TGFBRAP1: variants seen among roughly 807,000 people sequenced by gnomAD.
TGFBRAP1 encodes the protein transforming growth factor beta receptor associated protein 1.
A neutral mutation model predicts 83.2 loss-of-function variants in TGFBRAP1; 20 were observed. The observed-to-expected ratio is 0.24, with a 90% CI of 0.17 to 0.35. The LOEUF (loss-of-function observed/expected upper bound fraction) is 0.35, where lower values mean the gene tolerates loss of function less well. Among genes scored for constraint, TGFBRAP1 ranks in the 10% least tolerant of loss-of-function variants. The probability of loss-of-function intolerance (pLI) is 1.00; values close to 1 mark genes in which losing one functional copy is unlikely to be tolerated. For missense variants in TGFBRAP1, 950 were observed against 1,099.4 expected, an observed-to-expected ratio of 0.86 and a Z score of 1.92; for synonymous variants, 415 against 459.8, an observed-to-expected ratio of 0.90 and a Z score of 1.25.
At chr2:105,278,025 C>T (rs1348662667) in intron 6 of TGFBRAP1, among the ~76,000 whole-genome samples, 4 of 152,100 alleles carry the variant, frequency 2.6e-5, no homozygotes, top group African/African-American at 9.7e-5. Context: ...TGCCACTGCA[C>T]TCCAGCCCGG....
chr2:105,292,920 C>A (rs1677959470), intron 4 of TGFBRAP1, among the ~76,000 whole-genome samples: 1 of 151,874 alleles, frequency 6.6e-6, no homozygotes, highest in South Asian at 2.1e-4. Context: ...GGTGGCAGAA[C>A]CACACAGAGG....
chr2:105,257,471 C>T, the TGFBRAP1 span, among the ~76,000 whole-genome samples: 2 of 152,166 alleles, frequency 1.3e-5, no homozygotes, highest in East Asian at 1.9e-4. Flanking sequence ...TCTGTATGAA[C>T]CTGACTATTC....
intron 10 of TGFBRAP1, among the ~76,000 whole-genome samples, chr2:105,270,271 T>C (rs1677108119): frequency 6.6e-6 from 1 of 152,186 alleles, no homozygotes; most frequent in South Asian, 2.1e-4. Flanking sequence ...TTTTTTTGTT[T>C]GTTTCACCTG....
In TGFBRAP1 at chr2:105,275,617, G is replaced by C. The variant is rs1177194613; in HGVS notation, c.1608C>G (p.Cys536Trp). The C allele has an allele frequency of 6.2e-7, 1 of 1,614,142 alleles. No homozygotes were observed. Among genetic ancestry groups the C allele is most frequent in the Non-Finnish European group, 8.5e-7 (1 of 1,180,044 alleles). ...YEYIVDFLTY[C>W]LDEELVWAYA... ...AGGCCCACACTAGTTCCTCGTCTAA[G>C]CAGTAGGTAAGAAAATCCACGATGT... Residue 536 changes from cysteine (C) to tryptophan (W), a missense_variant, in exon 8 of 12, where the codon TGC becomes TGG. By Grantham distance (215) the Cys-to-Trp change is radical. Coordinates refer to ENST00000393359, the MANE Select transcript of TGFBRAP1 (RefSeq NM_004257.6).
downstream of TGFBRAP1, among the ~76,000 whole-genome samples, chr2:105,264,038 TAGGGGATGAAGCAAAATTTAAA>T (rs1248021191): frequency 6.6e-6 from 1 of 152,186 alleles, no homozygotes; most frequent in East Asian, 1.9e-4. Context: ...AACAACAGTG[TAGGGGATGAAGCAAAATTTAAA>T]AGGTACGATT....
chr2:105,322,071 G>A (rs1679083487), intron 1 of TGFBRAP1, among the ~76,000 whole-genome samples: 1 of 152,150 alleles, frequency 6.6e-6, no homozygotes, highest in South Asian at 2.1e-4. Context: ...ACCTTCCAGT[G>A]GGACAAGATG....
At chr2:105,320,124 C>T (rs1055083984) in intron 1 of TGFBRAP1, among the ~76,000 whole-genome samples, 1 of 152,140 alleles carries the variant, frequency 6.6e-6, no homozygotes, top group African/African-American at 2.4e-5. Context: ...TGAGAGCCAA[C>T]TTTAAGCTTG....
intron 2 of TGFBRAP1, among the ~76,000 whole-genome samples, chr2:105,306,152 T>C (rs1678492556): frequency 6.7e-6 from 1 of 149,020 alleles, no homozygotes; most frequent in African/African-American, 2.5e-5. Flanking sequence ...AACTGCTGCC[T>C]CCTGGGTTCA....
At chr2:105,297,701 T>C (rs1678133271) in intron 3 of TGFBRAP1, among the ~76,000 whole-genome samples, 1 of 152,248 alleles carries the variant, frequency 6.6e-6, no homozygotes, top group Non-Finnish European at 1.5e-5. Context: ...GATGGTATTG[T>C]AAATTAATGT....
At chr2:105,316,589 TGGATCACCTGAAGTCAG>T (rs1176044090) in intron 1 of TGFBRAP1, among the ~76,000 whole-genome samples, 1 of 151,582 alleles carries the variant, frequency 6.6e-6, no homozygotes, top group Non-Finnish European at 1.5e-5. Context: ...CCGAGGCAAG[TGGATCACCTGAAGTCAG>T]GAGTTCGAGA....
At chr2:105,287,595 A>T (rs1428711625) in intron 4 of TGFBRAP1, among the ~76,000 whole-genome samples, 1 of 152,106 alleles carries the variant, frequency 6.6e-6, no homozygotes, top group Admixed American at 6.5e-5. Flanking sequence ...CTTCATCTTT[A>T]TACAGGGAGC....
intron 1 of TGFBRAP1, among the ~76,000 whole-genome samples, chr2:105,313,098 G>T (rs1296503682): frequency 6.6e-6 from 1 of 151,970 alleles, no homozygotes; most frequent in East Asian, 1.9e-4. Flanking sequence ...GGCAACAAGA[G>T]TGAAACTCTG....
intron 1 of TGFBRAP1, among the ~76,000 whole-genome samples, chr2:105,325,502 A>T (rs1679201245): frequency 6.6e-6 from 1 of 152,136 alleles, no homozygotes; most frequent in African/African-American, 2.4e-5. Flanking sequence ...GAGGGGAACA[A>T]GTATGATTTC....
At chr2:105,301,103 C>G (rs1678275086) in intron 2 of TGFBRAP1, among the ~76,000 whole-genome samples, 1 of 151,910 alleles carries the variant, frequency 6.6e-6, no homozygotes, top group Non-Finnish European at 1.5e-5. Context: ...GGGTACTATT[C>G]CCCAGCTACT....
At chr2:105,292,032 G>T (rs919958645) in intron 4 of TGFBRAP1, among the ~76,000 whole-genome samples, 1 of 152,186 alleles carries the variant, frequency 6.6e-6, no homozygotes. Flanking sequence ...TGGCCCTCAA[G>T]TATAAAGGCT....
chr2:105,278,068 A>ATGTGTGTGTGTGTG (rs56983977), intron 6 of TGFBRAP1, among the ~76,000 whole-genome samples: 1 of 145,422 alleles, frequency 6.9e-6, no homozygotes, highest in African/African-American at 2.6e-5. Flanking sequence ...CAAAAAATAT[A>ATGTGTGTGTGTGTG]TGTGTGTGTG....
At chr2:105,298,836 G>A in intron 2 of TGFBRAP1, 131 bp from the exon 3 acceptor site, 1 of 800,896 alleles carries the variant, frequency 1.2e-6, no homozygotes, top group Non-Finnish European at 1.8e-6. Flanking sequence ...TTTCAAGGAA[G>A]GAAAAACAAT....
chr2:105,319,954 C>T (rs928865121), intron 1 of TGFBRAP1, among the ~76,000 whole-genome samples: 159 of 151,628 alleles, frequency 1.0e-3, no homozygotes, highest in African/African-American at 3.8e-3. Context: ...TACACACACA[C>T]ACACAATAGG....
chr2:105,296,338 G>T lies in TGFBRAP1; in HGVS notation c.1038+18C>A. 1 of 1,612,786 alleles carries T rather than the reference G, an allele frequency of 6.2e-7. No homozygotes were observed. The highest frequency in any genetic ancestry group is 1.1e-5 in the South Asian group (1 of 90,802). ...TGGTGACTTAGAGGCATATTTCTGT[G>T]ACCAGTTAATTACAAACCTGAAATT... On this transcript the variant is annotated intron_variant, in intron 4 of 11. Transcript: ENST00000393359.
Sources: allele counts gnomAD v4.1 joint callset (sites outside exome capture counted in the v4.1 genomes callset), GRCh38; gene constraint gnomAD v4.1.1; transcripts MANE v1.5; gene names NCBI Gene and HGNC (gene_info 2026-07-23, HGNC 2026-07-21).